The following MAGI2 variants were observed in gnomAD, a reference collection of about 807,000 sequenced individuals.
The protein encoded by MAGI2 is membrane associated guanylate kinase, WW and PDZ domain containing 2.
MAGI2 carries 35 observed loss-of-function variants against 133.3 expected under a neutral mutation model. The ratio of observed to expected loss-of-function variants is 0.26; its 90% CI spans 0.20 to 0.35. The LOEUF (loss-of-function observed/expected upper bound fraction) is 0.35, where lower values mean the gene tolerates loss of function less well. Ranked by LOEUF, MAGI2 falls within the 10% of genes least tolerant of loss-of-function variation. MAGI2 has a pLI of 1.00. For missense variants in MAGI2, 1,636 were observed against 1,863.4 expected (o/e 0.88, Z 2.25); for synonymous variants, 729 against 710.6 (o/e 1.03, Z -0.41).
At chr7:79,207,125 G>A (rs531980746) in intron 1 of MAGI2, among the ~76,000 whole-genome samples, 65 of 151,994 alleles carry the variant, frequency 4.3e-4, no homozygotes, top group South Asian at 2.3e-3. Context: ...ACTCAACAGG[G>A]AAATGTTGAA....
At chr7:79,374,127 T>A (rs922938663) in intron 1 of MAGI2, among the ~76,000 whole-genome samples, 1 of 152,020 alleles carries the variant, frequency 6.6e-6, no homozygotes, top group East Asian at 1.9e-4. Context: ...GTTACATAAA[T>A]ACATTGGGAA....
chr7:79,056,649 A>G (rs756902183), intron 1 of MAGI2, among the ~76,000 whole-genome samples: 1 of 152,196 alleles, frequency 6.6e-6, no homozygotes, highest in Non-Finnish European at 1.5e-5. Context: ...AGTGAATGCC[A>G]TTGTTTAACA....
chr7:78,248,998 T>G (rs531920673), intron 10 of MAGI2, among the ~76,000 whole-genome samples: 1 of 151,592 alleles, frequency 6.6e-6, no homozygotes, highest in Middle Eastern at 3.4e-3. Context: ...ATCCAAAATA[T>G]ACAAGGAACT....
chr7:78,867,993 G>GA (rs1381612697), intron 2 of MAGI2, among the ~76,000 whole-genome samples: 12 of 150,016 alleles, frequency 8.0e-5, no homozygotes, highest in East Asian at 5.9e-4. Flanking sequence ...TGTAAGCTGA[G>GA]AAAAAAAAAG....
chr7:78,861,257 T>A (rs1794136480), intron 2 of MAGI2, among the ~76,000 whole-genome samples: 1 of 152,172 alleles, frequency 6.6e-6, no homozygotes, highest in Non-Finnish European at 1.5e-5. Flanking sequence ...CCCAGTGAGA[T>A]GAACCCAGTA....
chr7:78,115,399 T>G (rs1359434681), intron 20 of MAGI2, among the ~76,000 whole-genome samples: 4 of 152,024 alleles, frequency 2.6e-5, no homozygotes, highest in South Asian at 2.1e-4. Context: ...TAATGTAAAT[T>G]GACTGAAATG....
At chr7:78,888,600 C>T (rs6949283) in intron 2 of MAGI2, among the ~76,000 whole-genome samples, 60,059 of 152,072 alleles carry the variant, frequency 0.39, 12,919 homozygotes, top group South Asian at 0.58. Context: ...GCCTCCACTG[C>T]TGATACCCAT....
chr7:79,194,190 TA>T (rs1827892889), intron 1 of MAGI2, among the ~76,000 whole-genome samples: 1 of 151,992 alleles, frequency 6.6e-6, no homozygotes, highest in Non-Finnish European at 1.5e-5. Context: ...ATTCTGGTTT[TA>T]CTGATTCATC....
intron 1 of MAGI2, among the ~76,000 whole-genome samples, chr7:79,252,482 A>G (rs772297687): frequency 1.3e-5 from 2 of 152,148 alleles, no homozygotes; most frequent in African/African-American, 2.4e-5. Flanking sequence ...AGGAAGGGGA[A>G]TGGTTAATGG....
intron 1 of MAGI2, among the ~76,000 whole-genome samples, chr7:79,162,392 T>C (rs983121582): frequency 7.9e-5 from 12 of 152,026 alleles, no homozygotes; most frequent in African/African-American, 2.9e-4. Flanking sequence ...ACAAATGCTC[T>C]GATGCTAAAA....
chr7:79,445,048 A>C (rs1848748579), intron 1 of MAGI2, among the ~76,000 whole-genome samples: 1 of 152,212 alleles, frequency 6.6e-6, no homozygotes, highest in African/African-American at 2.4e-5. Flanking sequence ...AAACCTGAGA[A>C]AAACAAGCAA....
chr7:78,449,217 A>T (rs1788465973), intron 6 of MAGI2, among the ~76,000 whole-genome samples: 1 of 151,976 alleles, frequency 6.6e-6, no homozygotes, highest in African/African-American at 2.4e-5. Flanking sequence ...TGTTGAAAGG[A>T]GTGGGACAAG....
In MAGI2 at chr7:79,315,680, T is replaced by C. The variant is rs548628997; in HGVS notation, c.301+137340A>G. The stretch of plus-strand genomic sequence containing the variant: ...TATAAGCAGGATGCCCACAGGAATG[T>C]ATTGAGGCTGGGGGAGGGAAAGGAG... On this transcript the variant is annotated intron_variant, in intron 1 of 21. Coordinates refer to ENST00000354212, the MANE Select transcript of MAGI2 (RefSeq NM_012301.4). Among the ~76,000 whole-genome samples, 72 of 152,220 alleles carry C rather than the reference T, an allele frequency of 4.7e-4. 1 individual carries two copies. The highest frequency in any genetic ancestry group is 1.7e-3 in the African/African-American group (70 of 41,530).
At chr7:78,842,865 T>G (rs1792264724) in intron 2 of MAGI2, among the ~76,000 whole-genome samples, 1 of 80,592 alleles carries the variant, frequency 1.2e-5, no homozygotes, top group South Asian at 3.0e-4. Flanking sequence ...GTAATCTAAG[T>G]ATCACTTTTT....
intron 1 of MAGI2, among the ~76,000 whole-genome samples, chr7:79,318,477 A>G (rs1184452695): frequency 6.6e-6 from 1 of 152,192 alleles, no homozygotes; most frequent in East Asian, 1.9e-4. Flanking sequence ...TCAAAGTGAA[A>G]TAATGGCCAT....
intron 2 of MAGI2, among the ~76,000 whole-genome samples, chr7:78,740,713 G>A (rs891970565): frequency 6.6e-6 from 1 of 152,158 alleles, no homozygotes; most frequent in African/African-American, 2.4e-5. Context: ...GCTCAATTGT[G>A]TAAACAAAGT....
chr7:78,787,041 T>C (rs1478562098), intron 2 of MAGI2, among the ~76,000 whole-genome samples: 1 of 151,806 alleles, frequency 6.6e-6, no homozygotes, highest in Non-Finnish European at 1.5e-5. Context: ...CCTCCGACTC[T>C]GGTTTAAGCG....
chr7:79,048,084 C>T (rs577359286), intron 1 of MAGI2, among the ~76,000 whole-genome samples: 6 of 152,266 alleles, frequency 3.9e-5, no homozygotes, highest in Admixed American at 2.6e-4. Flanking sequence ...GGGTAGAATA[C>T]ATGTGGCACT....
intron 9 of MAGI2, among the ~76,000 whole-genome samples, chr7:78,324,078 T>C (rs889246749): frequency 6.6e-6 from 1 of 152,036 alleles, no homozygotes; most frequent in Non-Finnish European, 1.5e-5. Flanking sequence ...TATCTAAAAC[T>C]TTCCCTCAAT....
Sources: gnomAD v4.1 joint callset for allele counts (sites outside exome capture counted in the v4.1 genomes callset) on GRCh38, gnomAD v4.1.1 for gene constraint, MANE v1.5 for transcripts, NCBI Gene and HGNC (gene_info 2026-07-23, HGNC 2026-07-21) for gene names.